Variants in NLRP1 observed in about 807,000 individuals in gnomAD.
NLRP1 encodes the protein NACHT, LRR and PYD domains-containing protein 1.
In NLRP1, 94 loss-of-function variants were observed where a neutral mutation model predicts 136.7. The ratio of observed to expected loss-of-function variants is 0.69; its 90% CI spans 0.58 to 0.82. NLRP1 has a LOEUF of 0.82. Ranked by LOEUF, NLRP1 falls within the 40% of genes least tolerant of loss-of-function variation. The pLI is 0.00. For missense variants in NLRP1, 1,575 were observed against 1,802.7 expected (o/e 0.87, Z 2.29); for synonymous variants, 690 against 725.1 (o/e 0.95, Z 0.78).
intron 12 of NLRP1, among the ~76,000 whole-genome samples, chr17:5,525,645 C>A (rs1186862401): frequency 6.6e-6 from 1 of 152,232 alleles, no homozygotes; most frequent in Non-Finnish European, 1.5e-5. Context: ...GGTTGTCTAG[C>A]AGAGCAGCTA....
chr17:5,519,048 G>C (rs1242602907), intron 14 of NLRP1, among the ~76,000 whole-genome samples: 1 of 151,268 alleles, frequency 6.6e-6, no homozygotes, highest in East Asian at 1.9e-4. Context: ...TGTCGCCCAG[G>C]CTGGAGCACA....
intron 3 of NLRP1, among the ~76,000 whole-genome samples, chr17:5,566,848 T>C (rs1023022726): frequency 2.0e-5 from 3 of 152,144 alleles, no homozygotes; most frequent in Non-Finnish European, 4.4e-5. Flanking sequence ...TGTTCCTGTG[T>C]TGGGTGCATA....
downstream of NLRP1, among the ~76,000 whole-genome samples, chr17:5,511,723 C>T (rs1286645523): frequency 7.9e-6 from 1 of 126,632 alleles, no homozygotes; most frequent in African/African-American, 3.1e-5. Flanking sequence ...CGCGTAGGTC[C>T]TTCCTTCTTT....
chr17:5,564,731 A>AGT (rs1491028895), intron 3 of NLRP1, among the ~76,000 whole-genome samples: 1 of 85,846 alleles, frequency 1.2e-5, no homozygotes, highest in African/African-American at 4.9e-5. Flanking sequence ...CTCAATTTTT[A>AGT]GTGTTTTTTT....
In NLRP1 at chr17:5,536,956, G is replaced by A; in HGVS notation, c.2871-16C>T. On this transcript the variant is annotated splice_polypyrimidine_tract_variant and intron_variant, in intron 7 of 16. Coordinates refer to ENST00000572272, the MANE Select transcript of NLRP1 (RefSeq NM_033004.4). ...CTGGTCCAGCCTGAAAGCACAAAGG[G>A]AGCCGGGTCCTCCTGGGATCCCCCA... is the stretch of plus-strand genomic sequence containing the variant. The A allele has an allele frequency of 6.3e-7, 1 of 1,592,596 alleles. No homozygotes were observed. Among genetic ancestry groups the A allele is most frequent in the Non-Finnish European group, 8.6e-7 (1 of 1,160,406 alleles).
intron 3 of NLRP1, among the ~76,000 whole-genome samples, chr17:5,579,647 G>T (rs571396564): frequency 6.6e-6 from 1 of 152,138 alleles, no homozygotes; most frequent in Non-Finnish European, 1.5e-5. Flanking sequence ...TATGTTTATT[G>T]CAGCACTAGT....
chr17:5,547,797 T>C (rs1207916496), intron 5 of NLRP1, among the ~76,000 whole-genome samples: 2 of 152,200 alleles, frequency 1.3e-5, no homozygotes, highest in African/African-American at 4.8e-5. Context: ...GAGGCTGGGC[T>C]TGCCTCCTTA....
At chr17:5,581,669 G>A (rs547530664) in intron 3 of NLRP1, among the ~76,000 whole-genome samples, 190 bp downstream of exon 3, 9 of 152,290 alleles carry the variant, frequency 5.9e-5, no homozygotes, top group Admixed American at 4.6e-4. Context: ...GTATTTTAAT[G>A]TCCAGGTGCC....
chr17:5,537,645 T>A lies in NLRP1; in HGVS notation c.2871-705A>T, dbSNP rs1168937131. On this transcript the variant is annotated intron_variant, in intron 7 of 16. Coordinates refer to ENST00000572272, the MANE Select transcript of NLRP1 (RefSeq NM_033004.4). This position sits in a 1 kb window ranked among gnomAD's most constrained non-coding sequence, Gnocchi z 4.5. ...CTTCTGCGAAGGGCTCTGCATTCATTCCCCTACTGCTGTTAGAGCTGTTCT... is the reference window on the plus strand; with the variant it reads ...CTTCTGCGAAGGGCTCTGCATTCATACCCCTACTGCTGTTAGAGCTGTTCT... Among the ~76,000 whole-genome samples the A allele has an allele frequency of 5.3e-5, 8 of 152,276 alleles. 1 individual carries two copies. In the East Asian group the frequency reaches 1.5e-3, roughly 29 times the overall value.
Position 5,521,737 on chromosome 17 carries a change from C to T in NLRP1, c.3570G>A (p.Glu1190=). Residue 1190 remains glutamate, a synonymous_variant, in exon 13 of 17, where the codon GAG becomes GAA. Coordinates refer to ENST00000572272, the MANE Select transcript of NLRP1 (RefSeq NM_033004.4). ...TGGCTGGCTTCTCCAGGAGCATCCC[C>T]TCCTCTTTAAAGTGGGCCATTTGGA... ...SLFQMAHFKE[E]GMLLEKPARV... The T allele has an allele frequency of 6.2e-7, 1 of 1,613,002 alleles. No individual in the cohort carries two copies. The highest frequency in any genetic ancestry group is 8.5e-7 in the Non-Finnish European group (1 of 1,179,926).
At chr17:5,507,096 C>A (rs889325485) in intron 15 of NLRP1, among the ~76,000 whole-genome samples, 2 of 151,650 alleles carry the variant, frequency 1.3e-5, no homozygotes, top group African/African-American at 4.9e-5. Flanking sequence ...TGAAAGGAGG[C>A]AGGAATGGGG....
chr17:5,521,669 G>A lies in NLRP1; in HGVS notation c.3638C>T (p.Ser1213Phe), dbSNP rs769160254. Residue 1213 changes from serine to phenylalanine, a missense_variant, in exon 13 of 17, where the codon TCC becomes TTC. Ser to Phe is a radical substitution (Grantham distance 155). Coordinates refer to ENST00000572272, the MANE Select transcript of NLRP1 (RefSeq NM_033004.4). ...HHIVLENPSF[S>F]PLGVLLKMIH... is the part of the protein sequence containing the mutation. ...CATTTTCAGGAGGACTCCCAAGGGG[G>A]AGAAGCTGGGGTTTTCCAGAACTAT... The A allele has an allele frequency of 1.2e-6, 2 of 1,613,992 alleles. No individual in the cohort carries two copies. Among genetic ancestry groups the A allele is most frequent in the Non-Finnish European group, 1.7e-6 (2 of 1,180,030 alleles).
At chr17:5,572,711 GAA>G (rs35389652) in intron 3 of NLRP1, among the ~76,000 whole-genome samples, 219 of 113,706 alleles carry the variant, frequency 1.9e-3, no homozygotes, top group African/African-American at 3.5e-3. Context: ...CTTTGTCTCA[GAA>G]AAAAAAAAAA....
chr17:5,557,672 G>A (rs961036210), intron 4 of NLRP1, among the ~76,000 whole-genome samples: 4 of 152,212 alleles, frequency 2.6e-5, no homozygotes, highest in South Asian at 2.1e-4. Flanking sequence ...GCATGTGATC[G>A]ATACCACGAC....
chr17:5,581,444 C>A (rs960454406), intron 3 of NLRP1, among the ~76,000 whole-genome samples: 7 of 152,220 alleles, frequency 4.6e-5, no homozygotes, highest in African/African-American at 1.7e-4. Flanking sequence ...ACGTAAAGCC[C>A]TGGACATGGT....
In NLRP1 at chr17:5,558,792, T is replaced by C. The variant is rs910759719; in HGVS notation, c.1904A>G (p.Tyr635Cys). 3 of 1,613,974 alleles carry C rather than the reference T, an allele frequency of 1.9e-6. No individual in the cohort carries two copies. Among genetic ancestry groups the C allele is most frequent in the Non-Finnish European group, 2.5e-6 (3 of 1,180,004 alleles). The change falls in exon 4 of 17, where the codon TAT (tyrosine) becomes TGT (cysteine). Residue 635 changes from tyrosine to cysteine, a missense_variant. Physicochemically the swap from Tyr to Cys is radical, Grantham distance 194. Transcript: ENST00000572272. The stretch of plus-strand genomic sequence containing the variant: ...TCTCCCCTTCTCATCCTCCAAGACA[T>C]AGGACATTGCTGCAAAGAACTCTTG... ...CFQEFFAAMS[Y>C]VLEDEKGRGK...
In NLRP1 at chr17:5,581,861, G is replaced by T; in HGVS notation, c.650C>A (p.Thr217Lys). The change falls in exon 3 of 17, where the codon ACA (threonine) becomes AAA (lysine). Residue 217 changes from threonine (T) to lysine (K), a missense_variant and splice_region_variant. Physicochemically the swap from Thr to Lys is moderately conservative, Grantham distance 78. Transcript: ENST00000572272. ...CCAGGAGCTCAGTAGGGTCTCACCT[G>T]TGTAGTAAATTCCTGACGTTTCATC... is the stretch of plus-strand genomic sequence containing the variant. ...PLDETSGIYY[T>K]EIREREREKS... 1 of 1,611,020 alleles carries T rather than the reference G, an allele frequency of 6.2e-7. No individual in the cohort carries two copies. Among genetic ancestry groups the T allele is most frequent in the Non-Finnish European group, 8.5e-7 (1 of 1,178,708 alleles).
At chr17:5,518,590 AGAG>A (rs1217503576) in intron 14 of NLRP1, 2 of 148,254 alleles carry the variant, frequency 1.3e-5, no homozygotes, top group Non-Finnish European at 3.0e-5. Flanking sequence ...TTTTTTTTAA[AGAG>A]AGATGGGGTT....
Position 5,583,179 on chromosome 17 carries a change from ACAGCAGCAG to A in NLRP1, c.272-342_272-334del, listed in dbSNP as rs201664446. ...CCCAGGGTGGCTAATAGTAATAATA[ACAGCAGCAG>A]CAGCAGCAGCAACAACAGCAATGGG... is the stretch of plus-strand genomic sequence containing the variant. On this transcript the variant is annotated intron_variant, in intron 1 of 16. Coordinates refer to ENST00000572272, the MANE Select transcript of NLRP1 (RefSeq NM_033004.4). This position sits in a 1 kb window ranked among gnomAD's most constrained non-coding sequence, Gnocchi z 4.5. Among the ~76,000 whole-genome samples the A allele has an allele frequency of 6.6e-6, 1 of 152,030 alleles. No homozygotes were observed. Among genetic ancestry groups the A allele is most frequent in the Non-Finnish European group, 1.5e-5 (1 of 68,006 alleles).
Sources: allele counts gnomAD v4.1 joint callset (sites outside exome capture counted in the v4.1 genomes callset), GRCh38; gene constraint gnomAD v4.1.1; non-coding constraint Gnocchi (gnomAD v3.1); transcripts MANE v1.5; gene names NCBI Gene and HGNC (gene_info 2026-07-23, HGNC 2026-07-21).